Variants in UBE3C observed in about 807,000 individuals in gnomAD.
The protein encoded by UBE3C is ubiquitin-protein ligase E3C.
Under a neutral mutation model 129.4 loss-of-function variants are expected in UBE3C, and 42 were observed. The ratio of observed to expected loss-of-function variants is 0.32; its 90% CI spans 0.25 to 0.42. The LOEUF is 0.42. UBE3C is among the 10% of genes least tolerant of loss of function. UBE3C has a pLI of 1.00. For missense variants in UBE3C, 1,049 were observed against 1,319.1 expected, an observed-to-expected ratio of 0.80 and a Z score of 3.17; for synonymous variants, 510 against 492.4, an observed-to-expected ratio of 1.04 and a Z score of -0.47.
intron 18 of UBE3C, among the ~76,000 whole-genome samples, chr7:157,248,126 G>A (rs144237967): frequency 3.3e-5 from 5 of 152,192 alleles, no homozygotes; most frequent in East Asian, 3.9e-4. Context: ...ATAATTCCAC[G>A]ATTTCGCTCC....
At chr7:157,177,695 C>T (rs1808557136) in intron 5 of UBE3C, among the ~76,000 whole-genome samples, 1 of 152,246 alleles carries the variant, frequency 6.6e-6, no homozygotes, top group Non-Finnish European at 1.5e-5. Context: ...CCTGCCCAGC[C>T]TGCCCGCTGG....
At chr7:157,259,834 A>G (rs1001651191) in intron 22 of UBE3C, among the ~76,000 whole-genome samples, 2 of 152,138 alleles carry the variant, frequency 1.3e-5, no homozygotes, top group African/African-American at 4.8e-5. Context: ...TAAAGGGATA[A>G]TCTTATAGTA....
At chr7:157,159,198 A>G (rs1036907979) in intron 1 of UBE3C, among the ~76,000 whole-genome samples, 3 of 152,168 alleles carry the variant, frequency 2.0e-5, no homozygotes, top group Admixed American at 6.5e-5. Flanking sequence ...AACTTTCACC[A>G]TGGCATACAC....
chr7:157,221,192 C>T (rs1401171126), intron 15 of UBE3C: 1 of 165,890 alleles, frequency 6.0e-6, no homozygotes, highest in Non-Finnish European at 1.3e-5. Flanking sequence ...TTTTTTCTGT[C>T]TCTGGGAATA....
chr7:157,262,396 G>A (rs1252882414), intron 22 of UBE3C, among the ~76,000 whole-genome samples: 1 of 119,434 alleles, frequency 8.4e-6, no homozygotes, highest in East Asian at 2.8e-4. Context: ...AATCATGTAA[G>A]TCTCTTCATA....
intron 21 of UBE3C, chr7:157,256,711 T>C (rs1261324441): frequency 7.4e-6 from 4 of 538,752 alleles, no homozygotes; most frequent in Non-Finnish European, 1.3e-5. Context: ...AGCCTCGGCA[T>C]GAGATGGGAT....
intron 17 of UBE3C, among the ~76,000 whole-genome samples, chr7:157,227,334 G>T (rs1447523964): frequency 6.6e-6 from 1 of 152,066 alleles, no homozygotes; most frequent in Admixed American, 6.6e-5. Context: ...CTTGCAAGTG[G>T]GGGGGCTGTA....
At chr7:157,192,132 C>T (rs562069011) in intron 10 of UBE3C, among the ~76,000 whole-genome samples, 1 of 152,206 alleles carries the variant, frequency 6.6e-6, no homozygotes, top group African/African-American at 2.4e-5. Flanking sequence ...AATAGACTTG[C>T]CTTCGTCAGC....
chr7:157,193,999 A>G (rs1338433741), intron 10 of UBE3C, among the ~76,000 whole-genome samples: 2 of 152,234 alleles, frequency 1.3e-5, no homozygotes, highest in South Asian at 2.1e-4. Flanking sequence ...CACTGAACTG[A>G]TATGAACAAA....
At position 157,170,351 on chromosome 7, in the gene UBE3C, G is replaced by T; in HGVS notation, c.243G>T (p.Gln81His). 1 of 1,575,980 alleles carries T rather than the reference G, an allele frequency of 6.3e-7. No individual in the cohort carries two copies. Among genetic ancestry groups the T allele is most frequent in the Non-Finnish European group, 8.6e-7 (1 of 1,164,836 alleles). Residue 81 changes from glutamine (Q) to histidine (H), a missense_variant, in exon 4 of 23, where the codon CAG becomes CAT. This residue lies in a region of UBE3C where 489 missense variants were observed against 513.8 expected (regional missense o/e 0.95). Transcript: ENST00000348165. ...TTGATCGCTGTGCTACCTTGTCACA[G>T]TCCGGGGGCGCTTTTCCCATTGCTA... is the stretch of plus-strand genomic sequence containing the variant. ...SAFDRCATLSQSGGAFPIANG... is the reference protein window; with the variant it reads ...SAFDRCATLSHSGGAFPIANG...
chr7:157,249,320 CTT>C (rs1234257452), intron 19 of UBE3C, among the ~76,000 whole-genome samples: 4 of 145,126 alleles, frequency 2.8e-5, no homozygotes, highest in South Asian at 2.3e-4. Context: ...TCGATAGAGT[CTT>C]TTTTTTTTTT....
chr7:157,203,819 A>G, intron 11 of UBE3C, among the ~76,000 whole-genome samples: 1 of 152,212 alleles, frequency 6.6e-6, no homozygotes, highest in Non-Finnish European at 1.5e-5. Flanking sequence ...TCCTTGAGGT[A>G]CAATGGGGCT....
intron 5 of UBE3C, 103 bp downstream of exon 5, chr7:157,175,137 C>CATTTT: frequency 4.0e-6 from 1 of 249,756 alleles, no homozygotes; most frequent in Non-Finnish European, 6.2e-6. Flanking sequence ...CTTTTCCATA[C>CATTTT]TTTTTTTTTT....
In UBE3C at chr7:157,260,831, C is replaced by T. The variant is rs1299760680; in HGVS notation, c.3081+3787C>T. 3.3e-5 allele frequency among the ~76,000 whole-genome samples: 5 copies of T among 152,128 alleles called. No homozygotes were observed. In the South Asian group the frequency reaches 8.3e-4, roughly 25 times the overall value. Reference sequence around the variant, plus strand: ...AATAAAAATTCGAAGTCCTGCCAGACGTAGGTTCTAGACATTCTGACAGCC... The same window carrying T: ...AATAAAAATTCGAAGTCCTGCCAGATGTAGGTTCTAGACATTCTGACAGCC... On this transcript the variant is annotated intron_variant, in intron 22 of 22. Coordinates refer to ENST00000348165, the MANE Select transcript of UBE3C (RefSeq NM_014671.3).
At chr7:157,165,471 C>T (rs1345698330) in intron 2 of UBE3C, among the ~76,000 whole-genome samples, 1 of 150,114 alleles carries the variant, frequency 6.7e-6, no homozygotes, top group Non-Finnish European at 1.5e-5. Flanking sequence ...GATCTCAGCT[C>T]ACTGCAACCT....
In UBE3C at chr7:157,264,238, TAC is replaced by T. The variant is rs139566083; in HGVS notation, c.3082-3328_3082-3327del. Among the ~76,000 whole-genome samples, 1,050 of 125,176 alleles carry T rather than the reference TAC, an allele frequency of 8.4e-3. 9 individuals are homozygous for T. The highest frequency in any genetic ancestry group is 0.019 in the African/African-American group (601 of 31,392). 82.1% of individuals were successfully genotyped at this position (125,176 alleles called of 152,430 possible). ...GGGTGCGCCAACATGCTCGGCCTGTTACACACACACACACACACACCTGGTAC... is the reference window on the plus strand; with the variant it reads ...GGGTGCGCCAACATGCTCGGCCTGTTACACACACACACACACACCTGGTAC... On this transcript the variant is annotated intron_variant, in intron 22 of 22. Coordinates refer to ENST00000348165, the MANE Select transcript of UBE3C (RefSeq NM_014671.3).
intron 1 of UBE3C, among the ~76,000 whole-genome samples, chr7:157,147,741 T>G (rs368109453): frequency 6.6e-6 from 1 of 152,354 alleles, no homozygotes; most frequent in African/African-American, 2.4e-5. Context: ...TTGCAGAATT[T>G]TATCATGAAT....
At chr7:157,177,387 T>C (rs1808547370) in intron 5 of UBE3C, among the ~76,000 whole-genome samples, 1 of 152,222 alleles carries the variant, frequency 6.6e-6, no homozygotes, top group African/African-American at 2.4e-5. Flanking sequence ...TCCAAGGCTG[T>C]CCCGATAAAC....
At chr7:157,204,365 T>A (rs1195672272) in intron 11 of UBE3C, among the ~76,000 whole-genome samples, 1 of 138,036 alleles carries the variant, frequency 7.2e-6, no homozygotes, top group African/African-American at 2.7e-5. Flanking sequence ...GCCATTGCAC[T>A]CCAGCCTGGG....
Sources: gnomAD v4.1 joint callset for allele counts (sites outside exome capture counted in the v4.1 genomes callset) on GRCh38, gnomAD v4.1.1 for gene constraint, gnomAD v4.1.1 regional missense constraint, MANE v1.5 for transcripts, NCBI Gene and HGNC (gene_info 2026-07-23, HGNC 2026-07-21) for gene names.